ATP6V0D2: variants seen among roughly 807,000 people sequenced by gnomAD.
The protein encoded by ATP6V0D2 is ATPase H+ transporting V0 subunit d2.
ATP6V0D2 carries 40 observed loss-of-function variants against 40.0 expected under a neutral mutation model. The observed-to-expected ratio is 1.00, with a 90% CI of 0.78 to 1.30. The LOEUF is 1.30. Among genes scored for constraint, ATP6V0D2 ranks in the 50% most tolerant of loss-of-function variants. The probability of loss-of-function intolerance (pLI) is 0.00; values close to 1 mark genes in which losing one functional copy is unlikely to be tolerated. For synonymous variants in ATP6V0D2, 179 were observed against 156.3 expected, an observed-to-expected ratio of 1.15 and a Z score of -1.08; for missense variants, 470 against 423.1, an observed-to-expected ratio of 1.11 and a Z score of -0.97.
chr8:86,137,273 A>G (rs1818911021), intron 2 of ATP6V0D2, among the ~76,000 whole-genome samples: 1 of 152,092 alleles, frequency 6.6e-6, no homozygotes, highest in African/African-American at 2.4e-5. Flanking sequence ...CCAGGTCTCA[A>G]CTTACATGTG....
chr8:86,151,344 T>C, intron 6 of ATP6V0D2, 122 bp from the exon 7 acceptor site: 3 of 718,706 alleles, frequency 4.2e-6, no homozygotes, highest in Non-Finnish European at 6.6e-6. Flanking sequence ...TAAAAAAACA[T>C]TCAGTCCTCC....
intron 1 of ATP6V0D2, among the ~76,000 whole-genome samples, chr8:86,107,947 T>A (rs183414694): frequency 2.6e-5 from 4 of 152,302 alleles, no homozygotes; most frequent in Admixed American, 2.0e-4. Context: ...GTGTATTTAT[T>A]AAAAGTCTGA....
At chr8:86,147,950 C>T (rs1031824970) in intron 5 of ATP6V0D2, among the ~76,000 whole-genome samples, 5 of 152,190 alleles carry the variant, frequency 3.3e-5, no homozygotes, top group Non-Finnish European at 5.9e-5. Flanking sequence ...CCCCAGCCAG[C>T]TGTCCTTCCC....
intron 1 of ATP6V0D2, among the ~76,000 whole-genome samples, chr8:86,112,981 C>T (rs1282490857): frequency 6.6e-6 from 1 of 152,132 alleles, no homozygotes; most frequent in Non-Finnish European, 1.5e-5. Flanking sequence ...CTGCCCGTGC[C>T]ACCTGCCCCC....
At chr8:86,144,061 T>C (rs1173872335) in intron 5 of ATP6V0D2, among the ~76,000 whole-genome samples, 1 of 152,222 alleles carries the variant, frequency 6.6e-6, no homozygotes, top group Admixed American at 6.5e-5. Flanking sequence ...GGTAAGCTCA[T>C]TTAATTATGT....
chr8:86,112,645 C>T (rs1310544720), intron 1 of ATP6V0D2, among the ~76,000 whole-genome samples: 3 of 151,750 alleles, frequency 2.0e-5, no homozygotes, highest in Non-Finnish European at 4.4e-5. Flanking sequence ...TTATAATAAG[C>T]CAATCTGAAA....
intron 1 of ATP6V0D2, among the ~76,000 whole-genome samples, chr8:86,109,843 G>A (rs1818509446): frequency 6.6e-6 from 1 of 152,134 alleles, no homozygotes; most frequent in East Asian, 1.9e-4. Flanking sequence ...TCCAGACACT[G>A]AGGAAGACTG....
chr8:86,115,358 A>ATTTTTTTTTTTTTTTTTTT (rs564384965), intron 2 of ATP6V0D2, among the ~76,000 whole-genome samples: 1 of 73,284 alleles, frequency 1.4e-5, no homozygotes, highest in African/African-American at 5.6e-5. Flanking sequence ...CGTATCATCC[A>ATTTTTTTTTTTTTTTTTTT]TTTTTTTTTT....
intron 2 of ATP6V0D2, among the ~76,000 whole-genome samples, chr8:86,120,945 T>C (rs1818660787): frequency 6.6e-6 from 1 of 152,166 alleles, no homozygotes; most frequent in African/African-American, 2.4e-5. Flanking sequence ...CTTCAGTAGA[T>C]TCTGATCTAG....
chr8:86,123,055 G>GT (rs1343991892), intron 2 of ATP6V0D2, among the ~76,000 whole-genome samples: 3 of 152,194 alleles, frequency 2.0e-5, no homozygotes, highest in African/African-American at 7.2e-5. Flanking sequence ...AAGGGGAGAA[G>GT]TATTTTCCCC....
intron 1 of ATP6V0D2, among the ~76,000 whole-genome samples, chr8:86,107,822 A>G (rs747223965): frequency 4.6e-5 from 7 of 152,328 alleles, no homozygotes; most frequent in Non-Finnish European, 1.0e-4. Context: ...CAGGGAAGAA[A>G]TGCAGGGCAT....
chr8:86,125,616 A>C (rs1818730122), intron 2 of ATP6V0D2, among the ~76,000 whole-genome samples: 2 of 152,188 alleles, frequency 1.3e-5, no homozygotes, highest in Admixed American at 6.5e-5. Context: ...TAGAAATAAG[A>C]CGATGGATTG....
intron 1 of ATP6V0D2, among the ~76,000 whole-genome samples, chr8:86,104,671 C>G (rs769559100): frequency 6.6e-6 from 1 of 152,044 alleles, no homozygotes; most frequent in Non-Finnish European, 1.5e-5. Context: ...GGACCTGTCA[C>G]TGTTTACCCA....
At position 86,145,300 on chromosome 8, in the gene ATP6V0D2, A is replaced by G. The variant is rs1239062496; in HGVS notation, c.639+2346A>G. Among the ~76,000 whole-genome samples, 43 of 109,418 alleles carry G rather than the reference A, an allele frequency of 3.9e-4. 5 individuals carry two copies. Among genetic ancestry groups the G allele is most frequent in the Middle Eastern group, 5.6e-3 (1 of 180 alleles). 71.8% of individuals were successfully genotyped at this position (109,418 alleles called of 152,430 possible). On this transcript the variant is annotated intron_variant, in intron 5 of 7. Coordinates refer to ENST00000285393, the MANE Select transcript of ATP6V0D2 (RefSeq NM_152565.1). ...AAGAAAGAAAGAAAGAAAGAAAGAA[A>G]GAAAGAAAGAAAAGAAAGAAGGAAA...
chr8:86,099,425 C>A (rs1471389353), intron 1 of ATP6V0D2, among the ~76,000 whole-genome samples: 1 of 152,150 alleles, frequency 6.6e-6, no homozygotes, highest in Non-Finnish European at 1.5e-5. Flanking sequence ...CTTTAAAGTT[C>A]TTGCAGATAC....
At chr8:86,143,402 A>G (rs1819003991) in intron 5 of ATP6V0D2, among the ~76,000 whole-genome samples, 1 of 152,212 alleles carries the variant, frequency 6.6e-6, no homozygotes, top group South Asian at 2.1e-4. Flanking sequence ...GAGTAAAAGC[A>G]TGGCTACTCC....
In ATP6V0D2 at chr8:86,153,134, C is replaced by G; in HGVS notation, c.*157C>G. 1.9e-6 allele frequency: 1 copy of G among 531,860 alleles called. No homozygotes were observed. The allele number at this position is 531,860 out of a possible 1,614,324, so 32.9% of individuals were successfully genotyped here. ...TCCATGGAAACACAGTAAACCAGCCCTGAAACAAAGCATTTCCTTGTTTTC... is the reference window on the plus strand; with the variant it reads ...TCCATGGAAACACAGTAAACCAGCCGTGAAACAAAGCATTTCCTTGTTTTC... On this transcript the variant is annotated 3_prime_UTR_variant, in exon 8 of 8. Transcript: ENST00000285393.
chr8:86,122,993 G>A (rs1263609327), intron 2 of ATP6V0D2, among the ~76,000 whole-genome samples: 2 of 152,174 alleles, frequency 1.3e-5, no homozygotes, highest in Non-Finnish European at 2.9e-5. Flanking sequence ...TCAATTCCAT[G>A]CTTCTTGTGT....
rs143921940 is a variant in ATP6V0D2 at position 86,139,534 on chromosome 8, G to T, written c.380G>T (p.Gly127Val). The T allele has an allele frequency of 1.2e-6, 2 of 1,613,640 alleles. No homozygotes were observed. The highest frequency in any genetic ancestry group is 1.7e-6 in the Non-Finnish European group (2 of 1,179,850). The change falls in exon 3 of 8, where the codon GGG becomes GTG. Residue 127 changes from glycine to valine, a missense_variant. By Grantham distance (109) the Gly-to-Val change is moderately radical. Transcript: ENST00000285393. ...AAAAAATCTGTGAAAGAAATTCTGG[G>T]GAAGTGCCACCCCTTGGGCCGTTTC... Reference protein sequence around the residue: ...LQKKSVKEILGKCHPLGRFTE... With the variant: ...LQKKSVKEILVKCHPLGRFTE...
Sources: allele counts gnomAD v4.1 joint callset (sites outside exome capture counted in the v4.1 genomes callset), GRCh38; gene constraint gnomAD v4.1.1; transcripts MANE v1.5; gene names NCBI Gene and HGNC (gene_info 2026-07-23, HGNC 2026-07-21).